CSMD1: variants seen among roughly 807,000 people sequenced by gnomAD.
CSMD1 encodes the protein CUB and sushi domain-containing protein 1.
In CSMD1, 213 loss-of-function variants were observed where a neutral mutation model predicts 417.5. That is an observed-to-expected ratio of 0.51 (90% CI 0.46 to 0.57). The LOEUF is 0.57. Among genes scored for constraint, CSMD1 ranks in the 20% least tolerant of loss-of-function variants. The probability of loss-of-function intolerance (pLI) is 0.00; values close to 1 mark genes in which losing one functional copy is unlikely to be tolerated. For missense variants in CSMD1, 6,923 were observed against 4,529.7 expected (o/e 1.53, Z -15.17); for synonymous variants, 2,862 against 1,736.8 (o/e 1.65, Z -16.11).
At chr8:4,007,329 C>T (rs1179902738) in intron 4 of CSMD1, among the ~76,000 whole-genome samples, 1 of 152,214 alleles carries the variant, frequency 6.6e-6, no homozygotes, top group African/African-American at 2.4e-5. Context: ...TCCTCCACCT[C>T]CTTTGGCTCC....
intron 5 of CSMD1, among the ~76,000 whole-genome samples, chr8:3,989,033 A>G (rs999607492): frequency 9.2e-5 from 14 of 152,198 alleles, no homozygotes; most frequent in African/African-American, 3.4e-4. Flanking sequence ...TCTATTTCAA[A>G]AAGTTTTTCT....
chr8:3,397,647 A>G (rs1811785051), intron 16 of CSMD1, among the ~76,000 whole-genome samples: 2 of 152,200 alleles, frequency 1.3e-5, no homozygotes, highest in African/African-American at 2.4e-5. Context: ...TTGAGTTCAA[A>G]TTCAAGAAGT....
At chr8:3,441,463 A>G (rs576794934) in intron 12 of CSMD1, among the ~76,000 whole-genome samples, 4 of 150,820 alleles carry the variant, frequency 2.7e-5, no homozygotes, top group East Asian at 3.9e-4. Flanking sequence ...TACAAGGAAA[A>G]CACTTCATTT....
At chr8:3,591,156 G>A (rs952843570) in intron 8 of CSMD1, among the ~76,000 whole-genome samples, 7 of 152,132 alleles carry the variant, frequency 4.6e-5, no homozygotes, top group African/African-American at 1.7e-4. Flanking sequence ...AACCGATTTT[G>A]TGTAAGATCA....
intron 1 of CSMD1, among the ~76,000 whole-genome samples, chr8:4,909,150 C>A (rs906240203): frequency 6.6e-6 from 1 of 152,166 alleles, no homozygotes; most frequent in Non-Finnish European, 1.5e-5. Flanking sequence ...TCAGAGAGGA[C>A]TGTCCCTGGC....
chr8:4,250,286 C>CA (rs1378920193), intron 3 of CSMD1, among the ~76,000 whole-genome samples: 1 of 152,156 alleles, frequency 6.6e-6, no homozygotes, highest in Non-Finnish European at 1.5e-5. Flanking sequence ...ATAAATAGCC[C>CA]AGCTCAGCTT....
chr8:3,938,825 A>T (rs1006924243), intron 5 of CSMD1, among the ~76,000 whole-genome samples: 1 of 152,166 alleles, frequency 6.6e-6, no homozygotes, highest in Non-Finnish European at 1.5e-5. Flanking sequence ...TTTAGCTAAC[A>T]TATCTTTATT....
intron 35 of CSMD1, 41 bp downstream of exon 35, chr8:3,188,846 C>T (rs754774012): frequency 6.9e-7 from 1 of 1,453,194 alleles, no homozygotes; most frequent in African/African-American, 1.4e-5. Context: ...CCATGGACCC[C>T]AGCTGAGCCC....
chr8:4,720,699 G>T (rs188399716), intron 1 of CSMD1, among the ~76,000 whole-genome samples: 1 of 152,248 alleles, frequency 6.6e-6, no homozygotes, highest in East Asian at 1.9e-4. Flanking sequence ...TGGGATTACA[G>T]GTGTGAGCCA....
intron 17 of CSMD1, among the ~76,000 whole-genome samples, chr8:3,392,646 G>C (rs573840915): frequency 6.6e-6 from 1 of 152,016 alleles, no homozygotes; most frequent in South Asian, 2.1e-4. Context: ...TCGAGGACTT[G>C]ATTAAAAGCT....
intron 3 of CSMD1, among the ~76,000 whole-genome samples, chr8:4,159,521 G>C (rs1272040965): frequency 2.0e-5 from 3 of 152,126 alleles, no homozygotes; most frequent in Admixed American, 6.5e-5. Context: ...ATATATGATG[G>C]AATACCACTC....
chr8:3,172,724 T>C (rs1585550883), intron 37 of CSMD1, among the ~76,000 whole-genome samples: 3 of 152,146 alleles, frequency 2.0e-5, no homozygotes, highest in Admixed American at 1.3e-4. Flanking sequence ...ATGCACTCTG[T>C]GAAGGTCATT....
intron 5 of CSMD1, among the ~76,000 whole-genome samples, chr8:3,915,346 C>T (rs1208349882): frequency 2.9e-5 from 4 of 140,066 alleles, no homozygotes; most frequent in African/African-American, 1.1e-4. Context: ...GCGGAAGTTG[C>T]AGTGAGCTTA....
chr8:3,791,114 A>T (rs1799714600), intron 5 of CSMD1, among the ~76,000 whole-genome samples: 1 of 152,166 alleles, frequency 6.6e-6, no homozygotes, highest in African/African-American at 2.4e-5. Context: ...ACACTTTATA[A>T]CTTTTAAAGC....
intron 21 of CSMD1, among the ~76,000 whole-genome samples, chr8:3,356,211 T>C (rs1029003541): frequency 4.6e-5 from 7 of 152,244 alleles, no homozygotes; most frequent in Non-Finnish European, 8.8e-5. Context: ...CAAATCATTT[T>C]TATTTCTATA....
intron 2 of CSMD1, among the ~76,000 whole-genome samples, chr8:4,448,120 G>GT (rs1315155225): frequency 6.6e-6 from 1 of 152,236 alleles, no homozygotes; most frequent in East Asian, 1.9e-4. Flanking sequence ...TCTCTTCCTA[G>GT]TTCTCACTTT....
At chr8:4,423,034 G>C (rs977426682) in intron 2 of CSMD1, among the ~76,000 whole-genome samples, 2 of 151,864 alleles carry the variant, frequency 1.3e-5, no homozygotes, top group African/African-American at 4.8e-5. Context: ...TCTCCAACTT[G>C]ACAAAGAATA....
intron 2 of CSMD1, among the ~76,000 whole-genome samples, chr8:4,439,763 G>C (rs1169753878): frequency 6.6e-6 from 1 of 152,132 alleles, no homozygotes; most frequent in Non-Finnish European, 1.5e-5. Context: ...GTTACTAATG[G>C]AGAATCCTAA....
At chr8:4,856,254 T>G (rs1801792101) in intron 1 of CSMD1, among the ~76,000 whole-genome samples, 2 of 138,464 alleles carry the variant, frequency 1.4e-5, no homozygotes, top group Non-Finnish European at 3.1e-5. Context: ...TTACAAGAGC[T>G]CCTGAAGGAA....
Sources: allele counts gnomAD v4.1 joint callset (sites outside exome capture counted in the v4.1 genomes callset), GRCh38; gene constraint gnomAD v4.1.1; transcripts MANE v1.5; gene names NCBI Gene and HGNC (gene_info 2026-07-23, HGNC 2026-07-21).